Variants in NBEA observed in about 807,000 individuals in gnomAD.
NBEA encodes the protein lysosomal-trafficking regulator 2.
In NBEA, 44 loss-of-function variants were observed where a neutral mutation model predicts 343.4. The ratio of observed to expected loss-of-function variants is 0.13; its 90% CI spans 0.10 to 0.16. NBEA has a LOEUF of 0.16. Among genes scored for constraint, NBEA ranks in the 10% least tolerant of loss-of-function variants. NBEA has a pLI of 1.00. For synonymous variants in NBEA, 1,175 were observed against 1,238.7 expected, an observed-to-expected ratio of 0.95 and a Z score of 1.08; for missense variants, 2,555 against 3,631.3, an observed-to-expected ratio of 0.70 and a Z score of 7.62.
intron 34 of NBEA, among the ~76,000 whole-genome samples, chr13:35,285,781 C>T (rs2035382169): frequency 6.6e-6 from 1 of 152,104 alleles, no homozygotes; most frequent in South Asian, 2.1e-4. Context: ...TCTGTCTGCG[C>T]CCTGCTTAAA....
At chr13:35,011,669 A>G (rs755604976) in intron 1 of NBEA, among the ~76,000 whole-genome samples, 3 of 152,204 alleles carry the variant, frequency 2.0e-5, no homozygotes, top group Non-Finnish European at 2.9e-5. Context: ...GGTAGTTCAC[A>G]TTTGAACTAC....
intron 2 of NBEA, among the ~76,000 whole-genome samples, chr13:35,043,914 G>T (rs922787721): frequency 2.6e-5 from 4 of 151,910 alleles, no homozygotes; most frequent in Non-Finnish European, 5.9e-5. Flanking sequence ...ATATATATGT[G>T]TATTGCTTTG....
chr13:35,297,029 C>T (rs1045001966), intron 35 of NBEA, among the ~76,000 whole-genome samples: 2 of 151,928 alleles, frequency 1.3e-5, no homozygotes. Flanking sequence ...TAACATCTTA[C>T]ATATAACTGT....
In NBEA at chr13:35,349,212, T is replaced by G; in HGVS notation, c.6008T>G (p.Phe2003Cys). ...RAEDVHKHAEFESQCAQYAAD... is the reference protein window; with the variant it reads ...RAEDVHKHAECESQCAQYAAD... ...GAGGATGTACATAAACATGCAGAGT[T>G]TGAGGTAAGGTTTTGGGAGTAGACT... The change falls in exon 37 of 59, where the codon TTT becomes TGT. Residue 2003 changes from phenylalanine (F) to cysteine (C), a missense_variant. Around this residue, in one of 21 missense-constraint regions of NBEA, gnomAD observed 246 missense variants for 313.7 expected, o/e 0.78. Coordinates refer to ENST00000379939, the MANE Select transcript of NBEA (RefSeq NM_001385012.1). 6.3e-7 allele frequency: 1 copy of G among 1,583,246 alleles called. No homozygotes were observed. The highest frequency in any genetic ancestry group is 8.6e-7 in the Non-Finnish European group (1 of 1,160,478).
At position 35,230,027 on chromosome 13, in the gene NBEA, C is replaced by G. The variant is rs77054185; in HGVS notation, c.5649-2465C>G. 2.2e-4 allele frequency among the ~76,000 whole-genome samples: 33 copies of G among 152,114 alleles called. No homozygotes were observed. In the East Asian group the frequency reaches 6.0e-3, roughly 28 times the overall value. On this transcript the variant is annotated intron_variant, in intron 33 of 58. Coordinates refer to ENST00000379939, the MANE Select transcript of NBEA (RefSeq NM_001385012.1). ...CTCTTGCTGAGTAAAATATTATATT[C>G]TTTGCCCCCTATTAGAAAATTAAAA... is the stretch of plus-strand genomic sequence containing the variant.
intron 41 of NBEA, among the ~76,000 whole-genome samples, chr13:35,544,411 A>T (rs1299924225): frequency 6.6e-6 from 1 of 152,188 alleles, no homozygotes; most frequent in Admixed American, 6.5e-5. Flanking sequence ...CCTTAAAAAG[A>T]AAAAAAGGTG....
chr13:35,188,536 G>C (rs1593668075), intron 30 of NBEA, among the ~76,000 whole-genome samples: 2 of 152,162 alleles, frequency 1.3e-5, no homozygotes, highest in Admixed American at 1.3e-4. Context: ...GTATTCTCCA[G>C]ATTCATCCAT....
intron 36 of NBEA, among the ~76,000 whole-genome samples, chr13:35,347,443 A>T (rs2039946576): frequency 6.6e-6 from 1 of 152,120 alleles, no homozygotes; most frequent in Admixed American, 6.6e-5. Context: ...AATGAAATTT[A>T]AAAAGGACAT....
intron 1 of NBEA, among the ~76,000 whole-genome samples, chr13:35,032,871 G>A (rs1463765676): frequency 6.6e-6 from 1 of 151,556 alleles, no homozygotes; most frequent in Non-Finnish European, 1.5e-5. Context: ...TTCCTATAGA[G>A]TTGCTTGAGC....
intron 13 of NBEA, among the ~76,000 whole-genome samples, chr13:35,115,173 A>T (rs1199833253): frequency 2.0e-5 from 3 of 152,128 alleles, no homozygotes; most frequent in Non-Finnish European, 4.4e-5. Flanking sequence ...CAGGTAGCCA[A>T]TGTTACCAGT....
chr13:35,501,308 C>T (rs2076877545), intron 41 of NBEA, among the ~76,000 whole-genome samples: 1 of 152,084 alleles, frequency 6.6e-6, no homozygotes, highest in African/African-American at 2.4e-5. Flanking sequence ...ATCAGAGCAA[C>T]GTGTGGAAAA....
chr13:35,229,096 T>A (rs958365434), intron 33 of NBEA, among the ~76,000 whole-genome samples: 26 of 152,164 alleles, frequency 1.7e-4, no homozygotes, highest in Non-Finnish European at 3.5e-4. Flanking sequence ...AGTGGCATGA[T>A]CATAGCTCAC....
intron 41 of NBEA, among the ~76,000 whole-genome samples, chr13:35,488,209 A>T (rs1002250422): frequency 6.6e-6 from 1 of 151,952 alleles, no homozygotes; most frequent in Admixed American, 6.6e-5. Context: ...TAAGCTACAC[A>T]TAGAATATTC....
rs1310474223 is a variant in NBEA at position 35,400,852 on chromosome 13, T to G, written c.6180-31417T>G. On this transcript the variant is annotated intron_variant, in intron 38 of 58. Transcript: ENST00000379939. ...AAAGGAGAAAATCACTGATAAACCT[T>G]TTTTTTTTAATGGGAGTTGATGGTT... Among the ~76,000 whole-genome samples the G allele has an allele frequency of 2.0e-5, 3 of 149,832 alleles. No homozygotes were observed. In the East Asian group the frequency reaches 5.9e-4, roughly 29 times the overall value.
At chr13:34,976,024 GA>G (rs2060161907) in intron 1 of NBEA, among the ~76,000 whole-genome samples, 2 of 152,018 alleles carry the variant, frequency 1.3e-5, no homozygotes, top group Non-Finnish European at 2.9e-5. Flanking sequence ...AGATTCCTTA[GA>G]GAACTTAAAA....
chr13:35,665,587 G>C (rs1389164614), intron 56 of NBEA, among the ~76,000 whole-genome samples: 1 of 147,704 alleles, frequency 6.8e-6, no homozygotes. Context: ...GCTGTGTAGA[G>C]GTTGGTGGAA....
intron 34 of NBEA, among the ~76,000 whole-genome samples, chr13:35,238,836 C>T (rs1256967703): frequency 2.0e-5 from 3 of 152,000 alleles, no homozygotes; most frequent in Non-Finnish European, 4.4e-5. Context: ...ATGGTTTCCA[C>T]GACTAGCATT....
At chr13:35,085,683 T>G (rs1415137825) in intron 10 of NBEA, among the ~76,000 whole-genome samples, 1 of 152,130 alleles carries the variant, frequency 6.6e-6, no homozygotes, top group Non-Finnish European at 1.5e-5. Flanking sequence ...AAGACAGAGA[T>G]ACCCTCTCTC....
Position 35,655,765 on chromosome 13 carries a change from A to G in NBEA, c.8362+16A>G, listed in dbSNP as rs754957289. 5 of 1,597,886 alleles carry G rather than the reference A, an allele frequency of 3.1e-6. No individual in the cohort carries two copies. Among genetic ancestry groups the G allele is most frequent in the Non-Finnish European group, 4.3e-6 (5 of 1,171,504 alleles). ...CCTAACAGCAGTGAGTGTTTGTATC[A>G]AATTTGTCCTATCAAACTATAGTTT... On this transcript the variant is annotated intron_variant, in intron 55 of 58. Coordinates refer to ENST00000379939, the MANE Select transcript of NBEA (RefSeq NM_001385012.1).
Sources: allele counts gnomAD v4.1 joint callset (sites outside exome capture counted in the v4.1 genomes callset), GRCh38; gene constraint gnomAD v4.1.1; regional missense constraint gnomAD v4.1.1; transcripts MANE v1.5; gene names NCBI Gene and HGNC (gene_info 2026-07-23, HGNC 2026-07-21).